PTK2: variants seen among roughly 807,000 people sequenced by gnomAD.
PTK2 encodes the protein focal adhesion kinase 1.
In PTK2, 45 loss-of-function variants were observed where a neutral mutation model predicts 150.1. The ratio of observed to expected loss-of-function variants is 0.30; its 90% confidence interval spans 0.24 to 0.38. PTK2 has a LOEUF of 0.38. Ranked by LOEUF, PTK2 falls within the 10% of genes least tolerant of loss-of-function variation. PTK2 has a pLI of 1.00. For synonymous variants in PTK2, 432 were observed against 449.2 expected, an observed-to-expected ratio of 0.96 and a Z score of 0.48; for missense variants, 919 against 1,307.3, an observed-to-expected ratio of 0.70 and a Z score of 4.58.
chr8:140,820,442 G>T (rs1012098343), intron 8 of PTK2, among the ~76,000 whole-genome samples: 2 of 152,022 alleles, frequency 1.3e-5, no homozygotes, highest in African/African-American at 4.8e-5. Context: ...ACTGTGTTGT[G>T]AACAGTATGA....
chr8:140,727,437 T>C (rs76450816), intron 22 of PTK2, among the ~76,000 whole-genome samples: 2,533 of 151,804 alleles, frequency 0.017, 71 homozygotes, highest in African/African-American at 0.057. Context: ...GTAGCTATAA[T>C]TGTGAAACAG....
intron 10 of PTK2, 133 bp downstream of exon 10, chr8:140,818,144 C>A (rs995416013): frequency 3.6e-5 from 28 of 767,822 alleles, no homozygotes; most frequent in Non-Finnish European, 5.9e-5. Flanking sequence ...GTCCCCCACT[C>A]CACTGAACAA....
At chr8:140,820,360 G>A (rs1463215084) in intron 8 of PTK2, among the ~76,000 whole-genome samples, 2 of 151,534 alleles carry the variant, frequency 1.3e-5, no homozygotes, top group Admixed American at 1.3e-4. Flanking sequence ...CTCAGCCTCC[G>A]AAAGTGCTGG....
intron 2 of PTK2, among the ~76,000 whole-genome samples, chr8:140,919,577 G>GCATA (rs2100166642): frequency 6.6e-6 from 1 of 152,034 alleles, no homozygotes; most frequent in Non-Finnish European, 1.5e-5. Context: ...AATGGAGGTG[G>GCATA]CAATATGCAA....
chr8:140,922,035 T>C (rs1442407667), intron 2 of PTK2, among the ~76,000 whole-genome samples: 1 of 152,134 alleles, frequency 6.6e-6, no homozygotes, highest in African/African-American at 2.4e-5. Flanking sequence ...GTAGTACATT[T>C]GTATAAACCA....
chr8:140,829,879 C>G (rs140209579), intron 8 of PTK2, among the ~76,000 whole-genome samples: 1 of 152,224 alleles, frequency 6.6e-6, no homozygotes, highest in African/African-American at 2.4e-5. Flanking sequence ...TCCCCTGCTG[C>G]GCTTGAAAAT....
intron 8 of PTK2, among the ~76,000 whole-genome samples, chr8:140,827,475 C>T (rs767155112): frequency 2.0e-4 from 30 of 152,082 alleles, no homozygotes; most frequent in Admixed American, 1.1e-3. Flanking sequence ...CAATGGAAGC[C>T]TAAACGATAG....
At chr8:140,946,948 G>A (rs1166586026) in intron 1 of PTK2, among the ~76,000 whole-genome samples, 2 of 152,006 alleles carry the variant, frequency 1.3e-5, no homozygotes, top group African/African-American at 2.4e-5. Flanking sequence ...AACTCCCACT[G>A]TCCTTCCAAT....
intron 2 of PTK2, among the ~76,000 whole-genome samples, chr8:140,916,847 A>T (rs1013257659): frequency 3.9e-5 from 6 of 152,208 alleles, no homozygotes; most frequent in African/African-American, 9.7e-5. Flanking sequence ...ATTTTAGCTG[A>T]GCAACAATTG....
chr8:140,899,713 C>T (rs1375085323), intron 2 of PTK2, among the ~76,000 whole-genome samples: 1 of 152,072 alleles, frequency 6.6e-6, no homozygotes, highest in African/African-American at 2.4e-5. Context: ...AAAATACTAG[C>T]AAACTGAATT....
At chr8:140,748,669 T>C (rs1056301912) in intron 17 of PTK2, among the ~76,000 whole-genome samples, 3 of 152,292 alleles carry the variant, frequency 2.0e-5, no homozygotes, top group Middle Eastern at 3.4e-3. Flanking sequence ...GACCGCCTAA[T>C]TGAGCCAAGA....
chr8:140,931,890 G>A (rs1027728323), intron 1 of PTK2, among the ~76,000 whole-genome samples: 51 of 134,290 alleles, frequency 3.8e-4, no homozygotes, highest in African/African-American at 1.3e-3. Context: ...CCATGATTGG[G>A]CCACTGCACT....
chr8:140,891,597 G>A (rs983550613), intron 2 of PTK2, among the ~76,000 whole-genome samples: 2 of 152,288 alleles, frequency 1.3e-5, no homozygotes, highest in Non-Finnish European at 2.9e-5. Context: ...AGCCTGAAGA[G>A]ACAAGAAAAG....
chr8:140,729,286 C>G (rs923606058), intron 22 of PTK2, among the ~76,000 whole-genome samples: 2 of 152,096 alleles, frequency 1.3e-5, no homozygotes, highest in Non-Finnish European at 2.9e-5. Context: ...CCCAACACCC[C>G]CCAGCTGGAG....
At chr8:140,705,265 A>C (rs2100033035) in intron 24 of PTK2, among the ~76,000 whole-genome samples, 1 of 152,208 alleles carries the variant, frequency 6.6e-6, no homozygotes, top group South Asian at 2.1e-4. Flanking sequence ...GCCTTAATTT[A>C]AACCACGCTT....
chr8:140,828,157 C>T (rs1176074572), intron 8 of PTK2, among the ~76,000 whole-genome samples: 2 of 147,770 alleles, frequency 1.4e-5, no homozygotes, highest in Admixed American at 1.3e-4. Context: ...TGGAGCAAGA[C>T]TCTGTCTCAA....
At chr8:140,984,507 TC>T (rs994232982) in intron 1 of PTK2, among the ~76,000 whole-genome samples, 5 of 152,034 alleles carry the variant, frequency 3.3e-5, no homozygotes, top group African/African-American at 1.2e-4. Flanking sequence ...TATAACGAGA[TC>T]CCTGGGTGGC....
At chr8:140,843,144 G>A (rs2100123282) in intron 7 of PTK2, among the ~76,000 whole-genome samples, 1 of 152,042 alleles carries the variant, frequency 6.6e-6, no homozygotes, top group Non-Finnish European at 1.5e-5. Context: ...CCAGAAATAA[G>A]CCAAATTTAC....
chr8:140,767,609 C>G (rs2100073072), intron 14 of PTK2, among the ~76,000 whole-genome samples: 1 of 152,070 alleles, frequency 6.6e-6, no homozygotes, highest in Admixed American at 6.6e-5. Flanking sequence ...ACTCAGCCTC[C>G]CAAATAGCTG....
Sources: allele counts gnomAD v4.1 joint callset (sites outside exome capture counted in the v4.1 genomes callset), GRCh38; gene constraint gnomAD v4.1.1; transcripts MANE v1.5; gene names NCBI Gene and HGNC (gene_info 2026-07-23, HGNC 2026-07-21).